Variants in DPH6 observed in about 807,000 individuals in gnomAD.
DPH6 encodes diphthine--ammonia ligase.
A neutral mutation model predicts 38.2 loss-of-function variants in DPH6; 33 were observed. The observed-to-expected ratio is 0.86, with a 90% CI of 0.65 to 1.15. The LOEUF is 1.15. Ranked by LOEUF, DPH6 falls within the 50% of genes most tolerant of loss-of-function variation. The pLI is 0.00. For missense variants in DPH6, 325 were observed against 320.0 expected, an observed-to-expected ratio of 1.02 and a Z score of -0.12; for synonymous variants, 108 against 103.0, an observed-to-expected ratio of 1.05 and a Z score of -0.30.
rs1318117717 is a variant in DPH6, at chr15:35,522,547, C to G, written c.312+15727G>C. Among the ~76,000 whole-genome samples, 3 of 152,044 alleles carry G rather than the reference C, an allele frequency of 2.0e-5. No homozygotes were observed. In the East Asian group the frequency reaches 5.8e-4, roughly 29 times the overall value. Reference sequence around the variant, plus strand: ...ATAAAATCTCTCACATACAAGCTTTCAAGAACCAACCCTGAAAGAAAAACA... The same window carrying G: ...ATAAAATCTCTCACATACAAGCTTTGAAGAACCAACCCTGAAAGAAAAACA... On this transcript the variant is annotated intron_variant, in intron 3 of 8. Transcript: ENST00000256538.
At chr15:35,247,124 T>C (rs931734036) in intron 3 of DPH6, among the ~76,000 whole-genome samples, 2 of 152,208 alleles carry the variant, frequency 1.3e-5, no homozygotes, top group East Asian at 3.8e-4. Context: ...TTTCTCAAGG[T>C]AAATTGAACC....
chr15:35,434,468 T>C (rs1166788802), intron 5 of DPH6, among the ~76,000 whole-genome samples: 2 of 151,906 alleles, frequency 1.3e-5, no homozygotes, highest in African/African-American at 4.8e-5. Context: ...ATGAATAAAA[T>C]AAGTAGAAAA....
chr15:35,404,576 GA>G (rs1331587980), intron 6 of DPH6, among the ~76,000 whole-genome samples: 1 of 152,066 alleles, frequency 6.6e-6, no homozygotes, highest in African/African-American at 2.4e-5. Flanking sequence ...TGGATCATTA[GA>G]TTTTTTTCCT....
At chr15:35,304,397 C>A (rs919898553) in intron 3 of DPH6, among the ~76,000 whole-genome samples, 7 of 152,110 alleles carry the variant, frequency 4.6e-5, no homozygotes, top group Admixed American at 3.3e-4. Flanking sequence ...GATGGAACAT[C>A]CTTCAACAGG....
chr15:35,403,343 G>GTATATA, intron 6 of DPH6, among the ~76,000 whole-genome samples: 1 of 150,318 alleles, frequency 6.7e-6, no homozygotes, highest in Admixed American at 6.6e-5. Context: ...TACATAGTAG[G>GTATATA]TATATATATA....
At chr15:35,246,222 C>T (rs747259993) in intron 3 of DPH6, among the ~76,000 whole-genome samples, 1 of 152,202 alleles carries the variant, frequency 6.6e-6, no homozygotes, top group Non-Finnish European at 1.5e-5. Flanking sequence ...TCACACAAAG[C>T]GTGTTTGGTG....
intron 3 of DPH6, chr15:35,298,773 G>C: frequency 7.5e-7 from 1 of 1,333,410 alleles, no homozygotes. Flanking sequence ...AAGGAGTTGC[G>C]CTGGGCCGGG....
intron 1 of DPH6, among the ~76,000 whole-genome samples, chr15:35,543,438 G>A (rs1412403721): frequency 6.6e-6 from 1 of 151,632 alleles, no homozygotes; most frequent in African/African-American, 2.4e-5. Flanking sequence ...CTATAATATG[G>A]CTGAATGGCA....
chr15:35,527,515 T>TA (rs1206802556), intron 3 of DPH6, among the ~76,000 whole-genome samples: 1 of 152,168 alleles, frequency 6.6e-6, no homozygotes, highest in African/African-American at 2.4e-5. Flanking sequence ...CTTAAAATCT[T>TA]AGCTTTGTGT....
At chr15:35,490,358 A>C (rs375472991) in intron 3 of DPH6, among the ~76,000 whole-genome samples, 7 of 152,330 alleles carry the variant, frequency 4.6e-5, no homozygotes, top group African/African-American at 1.7e-4. Flanking sequence ...CCTTCAGTCT[A>C]TTTGACCAAA....
At chr15:35,318,268 T>C (rs1315535756) in intron 3 of DPH6, among the ~76,000 whole-genome samples, 1 of 152,088 alleles carries the variant, frequency 6.6e-6, no homozygotes, top group Non-Finnish European at 1.5e-5. Context: ...AAGTGGAACA[T>C]GTAGCAAAAG....
At position 35,371,923 on chromosome 15, in the gene DPH6, G is replaced by A. The variant is rs115619976; in HGVS notation, c.*227C>T. 1,945 of 1,224,912 alleles carry A rather than the reference G, an allele frequency of 1.6e-3. 27 individuals are homozygous for A. In the African/African-American group the frequency reaches 0.027, roughly 17 times the overall value. 75.9% of individuals were successfully genotyped at this position (1,224,912 alleles called of 1,614,324 possible). A position where few individuals can be genotyped will look rare whatever the true frequency, so the allele number is the denominator to read the frequency against. On this transcript the variant is annotated 3_prime_UTR_variant, in exon 9 of 9. Coordinates refer to ENST00000256538, the MANE Select transcript of DPH6 (RefSeq NM_080650.4). ...AAGGTCATAGGGAAGATGTGTTAAC[G>A]AAAGAGAAAGAGTGAATTCCAAGAA...
intron 3 of DPH6, among the ~76,000 whole-genome samples, chr15:35,245,517 C>T (rs893360013): frequency 8.5e-5 from 13 of 152,240 alleles, no homozygotes; most frequent in Non-Finnish European, 1.6e-4. Context: ...GGATTACAGG[C>T]GTGAGCCACC....
chr15:35,496,555 CA>C (rs1180094812), intron 3 of DPH6, among the ~76,000 whole-genome samples: 9 of 49,258 alleles, frequency 1.8e-4, no homozygotes, highest in East Asian at 9.5e-4. Context: ...AGTTCCATCT[CA>C]AAAAAAAAAA....
downstream of DPH6, among the ~76,000 whole-genome samples, chr15:35,327,338 T>C (rs926866003): frequency 1.6e-5 from 2 of 126,814 alleles, no homozygotes; most frequent in Admixed American, 1.4e-4. Flanking sequence ...AAAGGTTCCT[T>C]TTTTTTTTTT....
At chr15:35,314,534 G>A (rs2052171581) in intron 3 of DPH6, among the ~76,000 whole-genome samples, 1 of 152,174 alleles carries the variant, frequency 6.6e-6, no homozygotes, top group Admixed American at 6.5e-5. Flanking sequence ...GTGCAGTGGT[G>A]GTTCGAGAAG....
At chr15:35,425,484 C>T (rs1371823751) in intron 5 of DPH6, among the ~76,000 whole-genome samples, 2 of 151,248 alleles carry the variant, frequency 1.3e-5, no homozygotes, top group Non-Finnish European at 3.0e-5. Flanking sequence ...GTAAATATTA[C>T]AATTAACATA....
chr15:35,324,143 T>C (rs1466422556), intron 3 of DPH6, among the ~76,000 whole-genome samples: 1 of 152,156 alleles, frequency 6.6e-6, no homozygotes, highest in Non-Finnish European at 1.5e-5. Flanking sequence ...TTCAGGGTTG[T>C]TGTGAGGATA....
Position 35,444,115 on chromosome 15 carries a change from C to T in DPH6, c.505+6570G>A, listed in dbSNP as rs569723846. Reference sequence around the variant, plus strand: ...ATCACAATACCATTCTCTGTTTCTTCCCAACAAAAACAACCTTTTTAAATG... The same window carrying T: ...ATCACAATACCATTCTCTGTTTCTTTCCAACAAAAACAACCTTTTTAAATG... On this transcript the variant is annotated intron_variant, in intron 5 of 8. Coordinates refer to ENST00000256538, the MANE Select transcript of DPH6 (RefSeq NM_080650.4). Among the ~76,000 whole-genome samples the T allele has an allele frequency of 2.6e-5, 4 of 152,272 alleles. No homozygotes were observed. In the East Asian group the frequency reaches 7.7e-4, roughly 29 times the overall value.
Sources: allele counts gnomAD v4.1 joint callset (sites outside exome capture counted in the v4.1 genomes callset), GRCh38; gene constraint gnomAD v4.1.1; transcripts MANE v1.5; gene names NCBI Gene and HGNC (gene_info 2026-07-23, HGNC 2026-07-21).